Variants in HAUS7 observed in about 807,000 individuals in gnomAD.
HAUS7 encodes HAUS augmin like complex subunit 7.
A neutral mutation model predicts 28.4 loss-of-function variants in HAUS7; 3 were observed. The ratio of observed to expected loss-of-function variants is 0.11; its 90% CI spans 0.05 to 0.27. The LOEUF (loss-of-function observed/expected upper bound fraction) is 0.27. HAUS7 is among the 10% of genes least tolerant of loss of function. HAUS7 has a pLI of 1.00. For synonymous variants in HAUS7, 165 were observed against 132.1 expected (o/e 1.25, Z -1.71); for missense variants, 284 against 297.3 (o/e 0.96, Z 0.33).
intron 6 of HAUS7, 30 bp from the exon 7 acceptor site, chrX:153,456,394 C>T (rs1259476460): frequency 8.5e-7 from 1 of 1,180,602 alleles, no homozygotes. Flanking sequence ...ACACTTGCAA[C>T]TCACCGCTGC....
intron 1 of HAUS7, chrX:153,481,791 C>A: frequency 1.3e-6 from 1 of 745,935 alleles, no homozygotes; most frequent in Non-Finnish European, 1.6e-6. Context: ...GAGAATATGG[C>A]TGCCCCATGT....
upstream of HAUS7, among the ~76,000 whole-genome samples, chrX:153,471,955 T>C (rs781873475): frequency 1.6e-4 from 18 of 112,405 alleles, no homozygotes; most frequent in African/African-American, 5.8e-4. Flanking sequence ...TAAGCGTTTT[T>C]TTCCCTCTTT....
At chrX:153,479,858 G>A in intron 1 of HAUS7, among the ~76,000 whole-genome samples, 1 of 111,439 alleles carries the variant, frequency 9.0e-6, no homozygotes. Flanking sequence ...AGACAGAGCG[G>A]TGCCCCCCAT....
chrX:153,466,072 C>T (rs1408660679), intron 2 of HAUS7, among the ~76,000 whole-genome samples: 1 of 112,823 alleles, frequency 8.9e-6, no homozygotes, highest in Non-Finnish European at 1.9e-5. Context: ...GCCACACTTG[C>T]CCCAGAACTG....
chrX:153,457,327 G>A, intron 4 of HAUS7, 99 bp from the exon 5 acceptor site: 1 of 566,296 alleles, frequency 1.8e-6, no homozygotes. Context: ...CCCATGCCAG[G>A]AGCCAGGGGA....
chrX:153,458,956 C>T (rs966613259), intron 4 of HAUS7, among the ~76,000 whole-genome samples: 13 of 111,586 alleles, frequency 1.2e-4, no homozygotes, highest in African/African-American at 3.9e-4. Flanking sequence ...CGGGGTCTTA[C>T]GATGTTGTCT....
Position 153,457,217 on chromosome X carries a change from G to C in HAUS7, c.366C>G (p.Cys122Trp). ...DDQELLKGCA[C>W]AQKQLHFMDQ... ...CCATGAAGTGTAGCTGCTTCTGGGCGCAGGCACAGCCCTGGGCAAGGAAGA... is the reference window on the plus strand; with the variant it reads ...CCATGAAGTGTAGCTGCTTCTGGGCCCAGGCACAGCCCTGGGCAAGGAAGA... Residue 122 changes from cysteine to tryptophan, a missense_variant, in exon 5 of 10, where the codon TGC (cysteine) becomes TGG (tryptophan). Coordinates refer to ENST00000370211, the MANE Select transcript of HAUS7 (RefSeq NM_001385482.1). The C allele has an allele frequency of 1.7e-6, 2 of 1,184,524 alleles. No homozygotes were observed. Among genetic ancestry groups the C allele is most frequent in the Non-Finnish European group, 2.3e-6 (2 of 870,600 alleles).
At chrX:153,462,126 T>C (rs2089400632) in intron 4 of HAUS7, 2 of 1,045,342 alleles carry the variant, frequency 1.9e-6, no homozygotes, top group African/African-American at 1.9e-5. Context: ...AGAATGTTTA[T>C]AGTAGCATTA....
intron 1 of HAUS7, among the ~76,000 whole-genome samples, chrX:153,493,498 C>T (rs920597904): frequency 6.7e-4 from 75 of 112,158 alleles, no homozygotes; most frequent in African/African-American, 2.4e-3. Context: ...ACAAACCTGC[C>T]GAAAGACAAG....
chrX:153,462,297 G>A, intron 4 of HAUS7: 1 of 539,441 alleles, frequency 1.9e-6, no homozygotes, highest in Non-Finnish European at 2.3e-6. Context: ...GAAGAATGAA[G>A]TCATCAACCA....
At chrX:153,465,143 T>C in intron 2 of HAUS7, 88 bp from the exon 3 acceptor site, 2 of 605,784 alleles carry the variant, frequency 3.3e-6, no homozygotes, top group Non-Finnish European at 2.8e-6. Context: ...AGTGAATTCC[T>C]GTGCACGTGC....
At chrX:153,483,607 T>A (rs1350504266) in intron 1 of HAUS7, among the ~76,000 whole-genome samples, 1 of 111,132 alleles carries the variant, frequency 9.0e-6, no homozygotes, top group East Asian at 2.9e-4. Flanking sequence ...GGGGAGGACT[T>A]GTTCCTTGGG....
upstream of HAUS7, among the ~76,000 whole-genome samples, chrX:153,474,703 AGGCGGG>A (rs782113268): frequency 0.43 from 15,861 of 36,501 alleles, 2,830 homozygotes; most frequent in African/African-American, 0.66. Context: ...GCAACGGGAG[AGGCGGG>A]GGCGGGGGCG....
chrX:153,485,818 C>T, intron 1 of HAUS7: 1 of 902,065 alleles, frequency 1.1e-6, no homozygotes, highest in Non-Finnish European at 1.4e-6. Flanking sequence ...TGCACGTGCC[C>T]CGCTTCCTGC....
chrX:153,484,678 C>T (rs1197218834), intron 1 of HAUS7, among the ~76,000 whole-genome samples: 2 of 112,769 alleles, frequency 1.8e-5, no homozygotes, highest in Non-Finnish European at 3.8e-5. Flanking sequence ...GTTACCAGGA[C>T]GTTTGGGTTT....
At chrX:153,454,821 A>T in intron 8 of HAUS7, 1 of 811,366 alleles carries the variant, frequency 1.2e-6, no homozygotes, top group South Asian at 2.2e-5. Flanking sequence ...AGCAATTGGC[A>T]AGGGGGGAAA....
At chrX:153,452,619 C>G (rs190982452) in intron 9 of HAUS7, among the ~76,000 whole-genome samples, 31 of 112,272 alleles carry the variant, frequency 2.8e-4, no homozygotes, top group Non-Finnish European at 4.3e-4. Flanking sequence ...TCATTTGGTA[C>G]TAGACTGTTT....
At chrX:153,473,367 G>A (rs12560007), upstream of HAUS7, among the ~76,000 whole-genome samples, 3,528 of 112,582 alleles carry the variant, frequency 0.031, 56 homozygotes, top group Non-Finnish European at 0.051. Flanking sequence ...ACCTGGGGGC[G>A]CCTAGGCCCT....
upstream of HAUS7, chrX:153,470,785 G>A (rs1721691738): frequency 1.5e-5 from 7 of 472,216 alleles, no homozygotes; most frequent in Non-Finnish European, 7.3e-6. Flanking sequence ...CGGACACAGG[G>A]AAGGGGGCGG....
Sources: gnomAD v4.1 joint callset for allele counts (sites outside exome capture counted in the v4.1 genomes callset) on GRCh38, gnomAD v4.1.1 for gene constraint, MANE v1.5 for transcripts, NCBI Gene and HGNC (gene_info 2026-07-23, HGNC 2026-07-21) for gene names.